MGAT5: variants seen among roughly 807,000 people sequenced by gnomAD.
MGAT5 encodes alpha-1,6-mannosylglycoprotein 6-beta-N-acetylglucosaminyltransferase A.
A neutral mutation model predicts 94.3 loss-of-function variants in MGAT5; 30 were observed. The observed-to-expected ratio is 0.32, with a 90% CI of 0.24 to 0.43. The LOEUF is 0.43. MGAT5 is among the 20% of genes least tolerant of loss of function. The pLI is 1.00. For synonymous variants in MGAT5, 310 were observed against 322.9 expected (o/e 0.96, Z 0.43); for missense variants, 691 against 905.5 (o/e 0.76, Z 3.04).
At chr2:134,274,618 G>A (rs1010721139) in intron 2 of MGAT5, among the ~76,000 whole-genome samples, 2 of 152,226 alleles carry the variant, frequency 1.3e-5, no homozygotes, top group African/African-American at 4.8e-5. Flanking sequence ...TCAATAAAGA[G>A]TTGTCATTCA....
intron 1 of MGAT5, among the ~76,000 whole-genome samples, chr2:134,198,057 G>A (rs1270829247): frequency 1.3e-5 from 2 of 152,184 alleles, no homozygotes; most frequent in African/African-American, 2.4e-5. Context: ...TAAGGATCCA[G>A]TATATCCCAT....
chr2:134,341,722 G>T lies in MGAT5; in HGVS notation c.940G>T (p.Asp314Tyr). 6.2e-7 allele frequency: 1 copy of T among 1,612,244 alleles called. No homozygotes were observed. The highest frequency in any genetic ancestry group is 8.5e-7 in the Non-Finnish European group (1 of 1,179,162). Reference protein sequence around the residue: ...LITSLYLLGHDIRISASLAEL... With the variant: ...LITSLYLLGHYIRISASLAEL... Reference sequence around the variant, plus strand: ...TACATCTCTGTACTTACTGGGCCATGACATTAGGATTTCAGCTTCACTGGC... The same window carrying T: ...TACATCTCTGTACTTACTGGGCCATTACATTAGGATTTCAGCTTCACTGGC... The change falls in exon 7 of 16, where the codon GAC becomes TAC. Residue 314 changes from aspartate to tyrosine, a missense_variant. Asp to Tyr is a radical substitution (Grantham distance 160, BLOSUM62 -3). Around this residue, in one of 4 missense-constraint regions of MGAT5, gnomAD observed 121 missense variants for 206.1 expected, o/e 0.59. Coordinates refer to ENST00000281923, the MANE Select transcript of MGAT5 (RefSeq NM_002410.5).
chr2:134,254,642 A>G lies in MGAT5; in HGVS notation c.239A>G (p.Tyr80Cys). Reference sequence around the variant, plus strand: ...CCATACGCTGGAGTCATGACAGCTTATGGTAAGCACTGTTTCTGGGACCTC... The same window carrying G: ...CCATACGCTGGAGTCATGACAGCTTGTGGTAAGCACTGTTTCTGGGACCTC... ...DGPYAGVMTA[Y>C]DLKKTLAVLL... The change falls in exon 1 of 16, where the codon TAT (tyrosine) becomes TGT (cysteine). Residue 80 changes from tyrosine to cysteine, a missense_variant and splice_region_variant. Physicochemically the swap from Tyr to Cys is radical, Grantham distance 194 (BLOSUM62 -2). Transcript: ENST00000281923. The G allele has an allele frequency of 6.2e-7, 1 of 1,614,200 alleles. No homozygotes were observed. The highest frequency in any genetic ancestry group is 2.2e-5 in the East Asian group (1 of 44,882).
intron 1 of MGAT5, among the ~76,000 whole-genome samples, chr2:134,207,704 G>T (rs1442226659): frequency 1.3e-5 from 2 of 152,146 alleles, no homozygotes; most frequent in African/African-American, 4.8e-5. Flanking sequence ...CTTACCAGGG[G>T]TCTTGTGCAG....
At chr2:134,316,942 A>T (rs367984700) in intron 2 of MGAT5, among the ~76,000 whole-genome samples, 7 of 152,336 alleles carry the variant, frequency 4.6e-5, no homozygotes, top group African/African-American at 1.7e-4. Context: ...ATTTAAAACA[A>T]TAAGGAGAAC....
intron 10 of MGAT5, among the ~76,000 whole-genome samples, chr2:134,370,291 A>G (rs1349541502): frequency 6.6e-6 from 1 of 152,248 alleles, no homozygotes; most frequent in African/African-American, 2.4e-5. Flanking sequence ...AAACCTTGTC[A>G]TTCTGTTTTG....
chr2:134,380,307 T>C (rs1368995658), intron 10 of MGAT5, among the ~76,000 whole-genome samples: 1 of 152,202 alleles, frequency 6.6e-6, no homozygotes, highest in African/African-American at 2.4e-5. Flanking sequence ...GCATAGTAAA[T>C]ATTCAAATGG....
chr2:134,410,888 C>T (rs1422094320), intron 11 of MGAT5, among the ~76,000 whole-genome samples: 1 of 152,192 alleles, frequency 6.6e-6, no homozygotes, highest in Non-Finnish European at 1.5e-5. Flanking sequence ...CTTTTCTCCT[C>T]AGTCAGAAAG....
chr2:134,370,625 G>T (rs1680727008), intron 10 of MGAT5, among the ~76,000 whole-genome samples: 1 of 152,248 alleles, frequency 6.6e-6, no homozygotes, highest in Non-Finnish European at 1.5e-5. Flanking sequence ...GAGATGGTGA[G>T]CCCCCAGGGG....
At chr2:134,133,104 A>C (rs2104921364) in intron 1 of MGAT5, among the ~76,000 whole-genome samples, 1 of 152,334 alleles carries the variant, frequency 6.6e-6, no homozygotes, top group Non-Finnish European at 1.5e-5. Context: ...GGAGTCCATT[A>C]GTGGGAAAGG....
intron 4 of MGAT5, among the ~76,000 whole-genome samples, chr2:134,333,289 A>G (rs1313275133): frequency 6.6e-6 from 1 of 152,008 alleles, no homozygotes; most frequent in Non-Finnish European, 1.5e-5. Flanking sequence ...TTGTAGGGAC[A>G]TGGATGAAAT....
chr2:134,334,914 T>C (rs932267671), intron 4 of MGAT5, among the ~76,000 whole-genome samples: 5 of 152,136 alleles, frequency 3.3e-5, no homozygotes, highest in Admixed American at 3.3e-4. Flanking sequence ...CTCTGAATCA[T>C]TCACAAATAT....
intron 4 of MGAT5, among the ~76,000 whole-genome samples, chr2:134,332,124 C>T (rs1435721763): frequency 1.5e-4 from 23 of 152,068 alleles, no homozygotes; most frequent in Non-Finnish European, 2.4e-4. Context: ...GAGCCTGCAT[C>T]ACCAAGTCAA....
chr2:134,172,540 C>G lies in MGAT5; in HGVS notation c.-143+52249C>G, dbSNP rs190792621. Reference sequence around the variant, plus strand: ...TAGCTGGGACTGCAGGTGCCCACCACCACGCCCAGCTAATTTTTTGTATTT... The same window carrying G: ...TAGCTGGGACTGCAGGTGCCCACCAGCACGCCCAGCTAATTTTTTGTATTT... On this transcript the variant is annotated intron_variant, in intron 1 of 16. Transcript: ENST00000409645. 2.6e-5 allele frequency among the ~76,000 whole-genome samples: 4 copies of G among 152,272 alleles called. No homozygotes were observed. In the East Asian group the frequency reaches 7.7e-4, roughly 29 times the overall value.
intron 4 of MGAT5, among the ~76,000 whole-genome samples, chr2:134,328,164 A>G (rs1199233953): frequency 6.6e-6 from 1 of 151,946 alleles, no homozygotes; most frequent in Non-Finnish European, 1.5e-5. Flanking sequence ...TCTTGTTAGA[A>G]CCCCACTGGT....
chr2:134,412,595 G>A (rs1341730684), intron 11 of MGAT5, among the ~76,000 whole-genome samples: 1 of 152,018 alleles, frequency 6.6e-6, no homozygotes, highest in Non-Finnish European at 1.5e-5. Flanking sequence ...CCTACCCCGT[G>A]GATACCCCTA....
At chr2:134,372,256 A>T (rs1194563803) in intron 10 of MGAT5, among the ~76,000 whole-genome samples, 1 of 152,234 alleles carries the variant, frequency 6.6e-6, no homozygotes, top group South Asian at 2.1e-4. Context: ...CCTCGGTTGC[A>T]TCCAGTGCTC....
intron 6 of MGAT5, among the ~76,000 whole-genome samples, chr2:134,338,974 A>C (rs976066845): frequency 6.6e-6 from 1 of 152,174 alleles, no homozygotes; most frequent in African/African-American, 2.4e-5. Flanking sequence ...CCTGTTAGCT[A>C]TAGATTTGAT....
At position 134,403,126 on chromosome 2, in the gene MGAT5, C is replaced by G; in HGVS notation, c.1519C>G (p.Arg507Gly). 6.2e-7 allele frequency: 1 copy of G among 1,601,056 alleles called. No individual in the cohort carries two copies. Among genetic ancestry groups the G allele is most frequent in the Non-Finnish European group, 8.5e-7 (1 of 1,177,166 alleles). Reference protein sequence around the residue: ...LSGRDLQFLLRETKLFVGLGF... With the variant: ...LSGRDLQFLLGETKLFVGLGF... ...TGGACGGGACCTGCAGTTCCTTCTTCGAGAAACCAAGGTAAAAATTCACCA... is the reference window on the plus strand; with the variant it reads ...TGGACGGGACCTGCAGTTCCTTCTTGGAGAAACCAAGGTAAAAATTCACCA... The change falls in exon 11 of 16, where the codon CGA (arginine) becomes GGA (glycine). Residue 507 changes from arginine (R) to glycine (G), a missense_variant. Arg to Gly is a moderately radical substitution (Grantham distance 125, BLOSUM62 -2). Transcript: ENST00000281923.
Sources: gnomAD v4.1 joint callset for allele counts (sites outside exome capture counted in the v4.1 genomes callset) on GRCh38, gnomAD v4.1.1 for gene constraint, gnomAD v4.1.1 regional missense constraint, MANE v1.5 for transcripts, NCBI Gene and HGNC (gene_info 2026-07-23, HGNC 2026-07-21) for gene names.